EHMT1: variants seen among roughly 807,000 people sequenced by gnomAD.
The protein encoded by EHMT1 is histone-lysine N-methyltransferase EHMT1.
In EHMT1, 15 loss-of-function variants were observed where a neutral mutation model predicts 147.2. The observed-to-expected ratio is 0.10, with a 90% CI of 0.07 to 0.16. EHMT1 has a LOEUF of 0.16. EHMT1 is among the 10% of genes least tolerant of loss of function. The pLI, the probability that EHMT1 is intolerant of heterozygous loss-of-function variation, is 1.00. For missense variants in EHMT1, 1,587 were observed against 1,772.4 expected, an observed-to-expected ratio of 0.90 and a Z score of 1.88; for synonymous variants, 795 against 709.6, an observed-to-expected ratio of 1.12 and a Z score of -1.91.
At chr9:137,792,506 A>G (rs1952600493) in intron 16 of EHMT1, among the ~76,000 whole-genome samples, 2 of 152,228 alleles carry the variant, frequency 1.3e-5, no homozygotes, top group Non-Finnish European at 2.9e-5. Context: ...GGAATTCAAG[A>G]CCAGTCTGTC....
chr9:137,784,823 C>G (rs1951829630), intron 15 of EHMT1: 1 of 152,858 alleles, frequency 6.5e-6, no homozygotes, highest in Non-Finnish European at 1.5e-5. Flanking sequence ...GGGGCCAGCT[C>G]CATGCAGGAG....
intron 6 of EHMT1, among the ~76,000 whole-genome samples, chr9:137,751,119 A>T (rs1948932530): frequency 6.6e-6 from 1 of 152,210 alleles, no homozygotes; most frequent in Non-Finnish European, 1.5e-5. Flanking sequence ...TTAAAAAACG[A>T]ATTCCAGAAG....
chr9:137,672,650 A>T (rs879533671), intron 1 of EHMT1, among the ~76,000 whole-genome samples: 2 of 152,260 alleles, frequency 1.3e-5, no homozygotes, highest in African/African-American at 2.4e-5. Flanking sequence ...TAACCAACCA[A>T]CCAACCAGTT....
At chr9:137,762,407 G>T (rs761006036) in intron 9 of EHMT1, among the ~76,000 whole-genome samples, 1 of 152,142 alleles carries the variant, frequency 6.6e-6, no homozygotes, top group African/African-American at 2.4e-5. Flanking sequence ...TGTGTCCTGG[G>T]TCCTGAGAAC....
intron 3 of EHMT1, among the ~76,000 whole-genome samples, chr9:137,723,636 G>A (rs775031801): frequency 1.5e-4 from 23 of 152,020 alleles, no homozygotes; most frequent in Middle Eastern, 3.4e-3. Flanking sequence ...GGGTGTGCCC[G>A]TGTCTGTCTG....
intron 9 of EHMT1, among the ~76,000 whole-genome samples, chr9:137,762,463 G>T (rs144600996): frequency 2.0e-3 from 305 of 152,294 alleles, no homozygotes; most frequent in African/African-American, 6.8e-3. Context: ...CTGTCAGGGG[G>T]TTTGTTAGCT....
At position 137,776,516 on chromosome 9, in the gene EHMT1, G is replaced by A; in HGVS notation, c.1792-102G>A. 8.2e-7 allele frequency: 1 copy of A among 1,214,204 alleles called. No homozygotes were observed. The highest frequency in any genetic ancestry group is 1.2e-6 in the Non-Finnish European group (1 of 846,262). The allele number at this position is 1,214,204 out of a possible 1,614,324, so 75.2% of individuals were successfully genotyped here. On this transcript the variant is annotated intron_variant, in intron 11 of 26. Transcript: ENST00000460843. This position sits in a 1 kb window ranked among gnomAD's most constrained non-coding sequence, Gnocchi z 4.4. ...ACCCCGACCCATGGCTCACTCTGCA[G>A]ACCGCCCGATGTGGGATGCGGTGCC...
intron 1 of EHMT1, among the ~76,000 whole-genome samples, chr9:137,688,439 A>G (rs781070553): frequency 2.0e-5 from 3 of 152,160 alleles, no homozygotes; most frequent in Non-Finnish European, 4.4e-5. Flanking sequence ...TTTATCCCAC[A>G]CTGGGCCGTG....
chr9:137,813,229 G>A lies in EHMT1; in HGVS notation c.3035+56G>A, dbSNP rs539566903. 1.4e-5 allele frequency: 23 copies of A among 1,591,510 alleles called. 1 individual carries two copies. In the South Asian group the frequency reaches 2.6e-4, roughly 18 times the overall value. ...AAATCAGCGGTCAGCAGGGCTTTGG[G>A]AACTTGCGGTGAAAGCTGCTCCTGA... is the stretch of plus-strand genomic sequence containing the variant. On this transcript the variant is annotated intron_variant, in intron 20 of 26. Transcript: ENST00000460843. The surrounding 1 kb of genome is among the most constrained non-coding windows in gnomAD (Gnocchi z 4.9).
At chr9:137,737,257 T>G (rs894367564) in intron 4 of EHMT1, among the ~76,000 whole-genome samples, 11 of 152,276 alleles carry the variant, frequency 7.2e-5, no homozygotes, top group African/African-American at 2.6e-4. Flanking sequence ...GATTCAAAAC[T>G]TACTACAAAG....
chr9:137,732,506 G>A lies in EHMT1; in HGVS notation c.823+3977G>A, dbSNP rs1342426053. Among the ~76,000 whole-genome samples the A allele has an allele frequency of 2.0e-5, 3 of 152,238 alleles. No individual in the cohort carries two copies. Among genetic ancestry groups the A allele is most frequent in the African/African-American group, 7.2e-5 (3 of 41,462 alleles). On this transcript the variant is annotated intron_variant, in intron 4 of 26. Coordinates refer to ENST00000460843, the MANE Select transcript of EHMT1 (RefSeq NM_024757.5). This position sits in a 1 kb window ranked among gnomAD's most constrained non-coding sequence, Gnocchi z 4.6. ...AGTAGCTCCTACTGGCAGGGAGGCA[G>A]TCCTGTTGTGTGGCTGAGTCTGGGG...
At chr9:137,783,582 G>A (rs10780189) in intron 15 of EHMT1, among the ~76,000 whole-genome samples, 51,706 of 152,208 alleles carry the variant, frequency 0.34, 9,111 homozygotes, top group Admixed American at 0.43. Flanking sequence ...GTAAACTACT[G>A]AAAAGCTGGT....
intron 4 of EHMT1, among the ~76,000 whole-genome samples, chr9:137,733,915 G>T (rs1947321502): frequency 6.6e-6 from 1 of 152,050 alleles, no homozygotes; most frequent in Non-Finnish European, 1.5e-5. Flanking sequence ...TAAATCTCAG[G>T]CTCACCCTCC....
In EHMT1 at chr9:137,798,903, G is replaced by A. The variant is rs749645029; in HGVS notation, c.2596G>A (p.Val866Ile). The change falls in exon 17 of 27, where the codon GTC (valine) becomes ATC (isoleucine). Residue 866 changes from valine (V) to isoleucine (I), a missense_variant. By Grantham distance (29) the Val-to-Ile change is conservative (BLOSUM62 3). Around this residue, in one of 7 missense-constraint regions of EHMT1, gnomAD observed 201 missense variants for 350.1 expected, o/e 0.57. Coordinates refer to ENST00000460843, the MANE Select transcript of EHMT1 (RefSeq NM_024757.5). ...CCTGCTTTCAAATGGACAGATGGAC[G>A]TCAACTGTCAGGTACAGCCACCCCC... Reference protein sequence around the residue: ...QYLLSNGQMDVNCQDDGGWTP... With the variant: ...QYLLSNGQMDINCQDDGGWTP... 4.9e-5 allele frequency: 79 copies of A among 1,612,570 alleles called. No individual in the cohort carries two copies. Among genetic ancestry groups the A allele is most frequent in the African/African-American group, 1.1e-4 (8 of 74,882 alleles).
At chr9:137,785,471 C>CCTGAGGGTGGGGTGTGCTGAGCCCGTG (rs1311188099) in intron 15 of EHMT1, 1 of 153,250 alleles carries the variant, frequency 6.5e-6, no homozygotes, top group African/African-American at 2.4e-5. Flanking sequence ...GTGCTGAGCC[C>CCTGAGGGTGGGGTGTGCTGAGCCCGTG]ATTCTCCATG....
At chr9:137,831,945 C>T (rs949799232) in intron 25 of EHMT1, among the ~76,000 whole-genome samples, 4 of 151,758 alleles carry the variant, frequency 2.6e-5, no homozygotes, top group African/African-American at 7.3e-5. Flanking sequence ...CCGCCTCCTA[C>T]GTGGCTGCTG....
chr9:137,649,368 G>A (rs1359826366), intron 1 of EHMT1, among the ~76,000 whole-genome samples: 11 of 152,132 alleles, frequency 7.2e-5, no homozygotes, highest in Non-Finnish European at 1.0e-4. Flanking sequence ...GCCGAGGCAG[G>A]AGAATTGCTT....
chr9:137,742,289 T>TTGTGTGTGTG (rs56080406), intron 4 of EHMT1, among the ~76,000 whole-genome samples: 8,698 of 134,896 alleles, frequency 0.064, 336 homozygotes, highest in Admixed American at 0.082. Flanking sequence ...AGAACCAAAT[T>TTGTGTGTGTG]TGTGTGTGTG....
intron 1 of EHMT1, among the ~76,000 whole-genome samples, chr9:137,647,372 C>T (rs564447852): frequency 3.3e-5 from 5 of 152,314 alleles, no homozygotes; most frequent in East Asian, 3.9e-4. Flanking sequence ...CTGCCTCTCG[C>T]CCCGCAGCGC....
Sources: gnomAD v4.1 joint callset for allele counts (sites outside exome capture counted in the v4.1 genomes callset) on GRCh38, gnomAD v4.1.1 for gene constraint, gnomAD v4.1.1 regional missense constraint, Gnocchi (gnomAD v3.1) non-coding constraint, MANE v1.5 for transcripts, NCBI Gene and HGNC (gene_info 2026-07-23, HGNC 2026-07-21) for gene names.